The following EYS variants were observed in gnomAD, a reference collection of about 807,000 sequenced individuals.
EYS encodes protein eyes shut homolog.
A neutral mutation model predicts 282.1 loss-of-function variants in EYS; 250 were observed. The ratio of observed to expected loss-of-function variants is 0.89; its 90% CI spans 0.80 to 0.98. EYS has a LOEUF of 0.98. EYS is among the 50% of genes least tolerant of loss of function. The probability of loss-of-function intolerance (pLI) is 0.00; values close to 1 mark genes in which losing one functional copy is unlikely to be tolerated. For synonymous variants in EYS, 1,355 were observed against 1,282.9 expected, an observed-to-expected ratio of 1.06 and a Z score of -1.20; for missense variants, 4,016 against 3,709.0, an observed-to-expected ratio of 1.08 and a Z score of -2.15.
chr6:64,208,189 G>A (rs537314000), intron 31 of EYS, among the ~76,000 whole-genome samples: 1 of 152,302 alleles, frequency 6.6e-6, no homozygotes, highest in East Asian at 1.9e-4. Flanking sequence ...ATCTCTGTGA[G>A]AATTCTGTGT....
At chr6:65,611,407 T>C (rs868462667) in intron 2 of EYS, among the ~76,000 whole-genome samples, 1 of 152,118 alleles carries the variant, frequency 6.6e-6, no homozygotes, top group Middle Eastern at 3.4e-3. Context: ...AGTATGAATA[T>C]AATATGGGTA....
chr6:64,405,009 G>A (rs1467600915), intron 28 of EYS, among the ~76,000 whole-genome samples: 1 of 151,928 alleles, frequency 6.6e-6, no homozygotes, highest in Non-Finnish European at 1.5e-5. Context: ...AAGTTCTGGG[G>A]TACCTGTGCA....
intron 26 of EYS, among the ~76,000 whole-genome samples, chr6:64,509,792 G>A (rs902903578): frequency 1.3e-4 from 20 of 152,024 alleles, no homozygotes; most frequent in East Asian, 7.7e-4. Context: ...TTTCAATAGC[G>A]TGCAGTATAG....
At chr6:65,622,101 T>C (rs1034505279) in intron 2 of EYS, among the ~76,000 whole-genome samples, 3 of 152,200 alleles carry the variant, frequency 2.0e-5, no homozygotes, top group Non-Finnish European at 4.4e-5. Context: ...AATAAAGGGA[T>C]ATCTAAATGG....
chr6:63,734,568 G>C (rs1248570375), intron 41 of EYS, among the ~76,000 whole-genome samples: 5 of 152,126 alleles, frequency 3.3e-5, no homozygotes, highest in Admixed American at 3.3e-4. Context: ...AGAAGTAGCA[G>C]TGGAGGTAGT....
chr6:65,253,014 A>T (rs1245143966), intron 12 of EYS, among the ~76,000 whole-genome samples: 2 of 151,980 alleles, frequency 1.3e-5, no homozygotes, highest in African/African-American at 4.8e-5. Flanking sequence ...GAGATGAAAG[A>T]ATGCAGTACT....
intron 12 of EYS, among the ~76,000 whole-genome samples, chr6:65,120,550 C>G (rs1391563821): frequency 6.7e-6 from 1 of 149,380 alleles, no homozygotes; most frequent in Non-Finnish European, 1.5e-5. Flanking sequence ...TAATGCAAAC[C>G]ATGTGGAGTT....
intron 22 of EYS, among the ~76,000 whole-genome samples, chr6:64,766,326 A>AT (rs1259753317): frequency 1.4e-5 from 2 of 147,818 alleles, no homozygotes; most frequent in East Asian, 4.1e-4. Flanking sequence ...ATTTATTTAT[A>AT]TTTTTTATGA....
At chr6:64,065,183 G>T (rs1484621307) in intron 33 of EYS, among the ~76,000 whole-genome samples, 2 of 152,148 alleles carry the variant, frequency 1.3e-5, no homozygotes, top group African/African-American at 4.8e-5. Flanking sequence ...TTCATTTTCA[G>T]ATTGGTGTCC....
At chr6:64,903,423 G>T (rs1767727577) in intron 16 of EYS, among the ~76,000 whole-genome samples, 1 of 152,104 alleles carries the variant, frequency 6.6e-6, no homozygotes, top group African/African-American at 2.4e-5. Flanking sequence ...TTCATTGTTT[G>T]CATACACATA....
chr6:63,977,989 TGTA>T (rs1356483541), intron 35 of EYS, among the ~76,000 whole-genome samples: 1 of 151,924 alleles, frequency 6.6e-6, no homozygotes, highest in Non-Finnish European at 1.5e-5. Flanking sequence ...TTTTAATTGG[TGTA>T]GTCTGAACCA....
intron 26 of EYS, among the ~76,000 whole-genome samples, chr6:64,452,702 C>T (rs1775403004): frequency 6.6e-6 from 1 of 152,144 alleles, no homozygotes; most frequent in Admixed American, 6.5e-5. Flanking sequence ...AGAAATAATG[C>T]CGCATATCTA....
chr6:64,299,907 A>G (rs1343331323), intron 30 of EYS, among the ~76,000 whole-genome samples: 12 of 152,128 alleles, frequency 7.9e-5, no homozygotes, highest in Admixed American at 7.9e-4. Context: ...CCTAAAAAGG[A>G]GAAGGAGGAA....
In EYS at chr6:63,762,538, C is replaced by T. The variant is rs1435861529; in HGVS notation, c.7994G>A (p.Gly2665Glu). The change falls in exon 41 of 43, where the codon GGA becomes GAA. Residue 2665 changes from glycine to glutamate, a missense_variant. Physicochemically the swap from Gly to Glu is moderately conservative, Grantham distance 98. Transcript: ENST00000503581. ...ATGAGGTAATGAAATGCAGGTTGCT[C>T]CTCTGCTACAGTGGTGTGGAGGGTC... ...EHDPPHHCSR[G>E]ATCISLPHGY... is the part of the protein sequence containing the mutation. The T allele has an allele frequency of 1.9e-5, 30 of 1,550,288 alleles. No individual in the cohort carries two copies. Among genetic ancestry groups the T allele is most frequent in the Middle Eastern group, 1.7e-4 (1 of 5,994 alleles).
At chr6:64,917,412 G>A (rs936797487) in intron 15 of EYS, among the ~76,000 whole-genome samples, 2 of 152,038 alleles carry the variant, frequency 1.3e-5, no homozygotes, top group Non-Finnish European at 2.9e-5. Flanking sequence ...TGTATATTAA[G>A]GCATATAGGC....
At chr6:64,803,055 G>A (rs1279798592) in intron 22 of EYS, among the ~76,000 whole-genome samples, 3 of 152,280 alleles carry the variant, frequency 2.0e-5, no homozygotes, top group Middle Eastern at 3.4e-3. Context: ...ACATCTGGAC[G>A]AGGGGAATGC....
intron 12 of EYS, among the ~76,000 whole-genome samples, chr6:65,125,934 C>A (rs1026913873): frequency 1.3e-5 from 2 of 152,014 alleles, no homozygotes; most frequent in Admixed American, 6.6e-5. Context: ...ACATCTGAAC[C>A]AAACTGTGGG....
intron 1 of EYS, among the ~76,000 whole-genome samples, chr6:65,693,134 T>G (rs1769303397): frequency 6.7e-6 from 1 of 149,850 alleles, no homozygotes; most frequent in African/African-American, 2.4e-5. Context: ...GTCAAATAGA[T>G]TTCATCGCTT....
intron 19 of EYS, among the ~76,000 whole-genome samples, chr6:64,843,653 G>T (rs1673801959): frequency 6.6e-6 from 1 of 152,074 alleles, no homozygotes; most frequent in Non-Finnish European, 1.5e-5. Flanking sequence ...GAAGTAACTA[G>T]CTTCCTATTG....
Sources: gnomAD v4.1 joint callset for allele counts (sites outside exome capture counted in the v4.1 genomes callset) on GRCh38, gnomAD v4.1.1 for gene constraint, MANE v1.5 for transcripts, NCBI Gene and HGNC (gene_info 2026-07-23, HGNC 2026-07-21) for gene names.